Variants in KDM3A observed in about 807,000 individuals in gnomAD.
KDM3A encodes the protein lysine demethylase 3A.
KDM3A carries 60 observed loss-of-function variants against 158.0 expected under a neutral mutation model. That is an observed-to-expected ratio of 0.38 (90% CI 0.31 to 0.47). The LOEUF is 0.47. Ranked by LOEUF, KDM3A falls within the 20% of genes least tolerant of loss-of-function variation. KDM3A has a pLI of 0.99. For synonymous variants in KDM3A, 608 were observed against 549.3 expected, an observed-to-expected ratio of 1.11 and a Z score of -1.49; for missense variants, 1,319 against 1,574.3, an observed-to-expected ratio of 0.84 and a Z score of 2.74.
chr2:86,480,030 A>C, intron 15 of KDM3A, 137 bp from the exon 16 acceptor site: 3 of 659,662 alleles, frequency 4.5e-6, no homozygotes, highest in Non-Finnish European at 8.0e-6. Flanking sequence ...AGCTGTGGGG[A>C]TACCCAGGGC....
At position 86,482,024 on chromosome 2, in the gene KDM3A, T is replaced by A; in HGVS notation, c.2607T>A (p.Phe869Leu). 12 of 1,614,138 alleles carry A rather than the reference T, an allele frequency of 7.4e-6. No individual in the cohort carries two copies. The highest frequency in any genetic ancestry group is 1.0e-5 in the Non-Finnish European group (12 of 1,179,964). ...LSKSSTVLHT[F>L]NSTILTPVSN... ...AATCCAGCACAGTCCTCCATACGTT[T>A]AACAGCACAATTTTGACACCCGTAA... is the stretch of plus-strand genomic sequence containing the variant. The change falls in exon 17 of 26, where the codon TTT becomes TTA. Residue 869 changes from phenylalanine (F) to leucine (L), a missense_variant. Phe to Leu is a conservative substitution (Grantham distance 22). Coordinates refer to ENST00000312912, the MANE Select transcript of KDM3A (RefSeq NM_018433.6).
rs1425698127 is a variant in KDM3A at position 86,449,864 on chromosome 2, A to G, written c.244A>G (p.Ser82Gly). ...GAAAAGAAGATGGATAGAAGTCTAC[A>G]GCCTTCTAAGGAGAGCATTTTTAGT... The part of the protein sequence containing the change: ...WRKRRWIEVY[S>G]LLRRAFLVEH... Residue 82 changes from serine to glycine, a missense_variant, in exon 3 of 26, where the codon AGC (serine) becomes GGC (glycine). Ser to Gly is a moderately conservative substitution (Grantham distance 56, BLOSUM62 0). Transcript: ENST00000312912. 6.2e-7 allele frequency: 1 copy of G among 1,613,764 alleles called. No individual in the cohort carries two copies. Among genetic ancestry groups the G allele is most frequent in the Non-Finnish European group, 8.5e-7 (1 of 1,179,866 alleles).
Position 86,481,994 on chromosome 2 carries a change from A to C in KDM3A, c.2577A>C (p.Leu859Phe). 6.2e-7 allele frequency: 1 copy of C among 1,614,002 alleles called. No individual in the cohort carries two copies. The highest frequency in any genetic ancestry group is 8.5e-7 in the Non-Finnish European group (1 of 1,179,878). The change falls in exon 17 of 26, where the codon TTA becomes TTC. Residue 859 changes from leucine to phenylalanine, a missense_variant. Physicochemically the swap from Leu to Phe is conservative, Grantham distance 22. Coordinates refer to ENST00000312912, the MANE Select transcript of KDM3A (RefSeq NM_018433.6). ...AATGCCTTCCACCCCTCCCACCTTT[A>C]AGCAAATCCAGCACAGTCCTCCATA... ...EIKCLPPLPP[L>F]SKSSTVLHTF...
In KDM3A at chr2:86,483,996, G is replaced by A. The variant is rs1458921571; in HGVS notation, c.2932G>A (p.Val978Met). 1.9e-6 allele frequency: 3 copies of A among 1,611,134 alleles called. No homozygotes were observed. The Admixed American group carries it at 5.1e-5, about 27-fold the overall frequency. ...CCTTCTCTTCATTTAGCCAGTGATG[G>A]TGTCTGGAGTGCATCATAAATTGAA... is the stretch of plus-strand genomic sequence containing the variant. ...ECWKQGQPVM[V>M]SGVHHKLNSE... Residue 978 changes from valine to methionine, a missense_variant, in exon 19 of 26, where the codon GTG becomes ATG. Transcript: ENST00000312912.
At chr2:86,446,470 A>G (rs973673260) in intron 2 of KDM3A, among the ~76,000 whole-genome samples, 1 of 152,222 alleles carries the variant, frequency 6.6e-6, no homozygotes, top group Non-Finnish European at 1.5e-5. Context: ...TGGTAGGCCA[A>G]GACGGGTGGA....
At chr2:86,462,641 A>G (rs1181353762) in intron 8 of KDM3A, among the ~76,000 whole-genome samples, 1 of 152,256 alleles carries the variant, frequency 6.6e-6, no homozygotes, top group Non-Finnish European at 1.5e-5. Flanking sequence ...GTGCCTAAAA[A>G]TAGTTGAAAC....
intron 21 of KDM3A, 121 bp downstream of exon 21, chr2:86,485,980 G>A (rs761704328): frequency 1.1e-5 from 11 of 1,004,242 alleles, no homozygotes; most frequent in African/African-American, 1.6e-5. Context: ...TACAGCCACA[G>A]CTTTCATTTT....
At chr2:86,475,183 G>T (rs1013208051) in intron 12 of KDM3A, among the ~76,000 whole-genome samples, 193 bp downstream of exon 12, 1 of 152,080 alleles carries the variant, frequency 6.6e-6, no homozygotes, top group African/African-American at 2.4e-5. Flanking sequence ...TTTATTTTGG[G>T]CCAATTAACA....
In KDM3A at chr2:86,489,567, A is replaced by C; in HGVS notation, c.3481A>C (p.Lys1161Gln). ...TGGAGATTCTGACGAACTCACAATA[A>C]AGCGATTTATTGAAGGAAAAGAGAA... Reference protein sequence around the residue: ...QDGDSDELTIKRFIEGKEKPG... With the variant: ...QDGDSDELTIQRFIEGKEKPG... Residue 1161 changes from lysine to glutamine, a missense_variant, in exon 23 of 26, where the codon AAG (lysine) becomes CAG (glutamine). Coordinates refer to ENST00000312912, the MANE Select transcript of KDM3A (RefSeq NM_018433.6). 6.2e-7 allele frequency: 1 copy of C among 1,614,028 alleles called. No individual in the cohort carries two copies. Among genetic ancestry groups the C allele is most frequent in the Non-Finnish European group, 8.5e-7 (1 of 1,179,972 alleles).
intron 8 of KDM3A, among the ~76,000 whole-genome samples, chr2:86,460,182 C>T (rs1672868001): frequency 1.3e-5 from 2 of 152,188 alleles, no homozygotes; most frequent in South Asian, 2.1e-4. Context: ...TACTTTCCTT[C>T]TGTCTCTTCT....
rs1297377004 is a variant in KDM3A at position 86,474,987 on chromosome 2, C to T, written c.1936C>T (p.His646Tyr). The T allele has an allele frequency of 1.2e-6, 2 of 1,613,138 alleles. No individual in the cohort carries two copies. Among genetic ancestry groups the T allele is most frequent in the Non-Finnish European group, 1.7e-6 (2 of 1,179,286 alleles). The change falls in exon 12 of 26, where the codon CAC becomes TAC. Residue 646 changes from histidine (H) to tyrosine (Y), a missense_variant. His to Tyr is a moderately conservative substitution (Grantham distance 83). Around this residue, in one of 4 missense-constraint regions of KDM3A, gnomAD observed 113 missense variants for 190.5 expected, o/e 0.59. Coordinates refer to ENST00000312912, the MANE Select transcript of KDM3A (RefSeq NM_018433.6). ...GGAAGCTATGTCAACTATTGAGCCA[C>T]ACAGTAAGAGCATCTCTTAGGGGGT... ...EKEAMSTIEP[H>Y]RQVAWKRAVK...
At chr2:86,491,086 CTT>C in intron 24 of KDM3A, 29 bp downstream of exon 24, 9 of 1,613,140 alleles carry the variant, frequency 5.6e-6, no homozygotes, top group Middle Eastern at 3.3e-4. Context: ...TCTTTAATCT[CTT>C]TATGTCATGA....
At chr2:86,449,401 T>C (rs548970538) in intron 2 of KDM3A, among the ~76,000 whole-genome samples, 2 of 152,254 alleles carry the variant, frequency 1.3e-5, no homozygotes, top group East Asian at 1.9e-4. Context: ...AGCCCACTTA[T>C]ATTGTCAATA....
intron 18 of KDM3A, 53 bp from the exon 19 acceptor site, chr2:86,483,934 G>A (rs1338986622): frequency 2.1e-6 from 3 of 1,454,546 alleles, no homozygotes; most frequent in African/African-American, 2.8e-5. Flanking sequence ...GCCTTCGGGA[G>A]TGGGGACAGA....
chr2:86,439,559 G>A (rs1225887710), upstream of KDM3A, among the ~76,000 whole-genome samples: 1 of 151,996 alleles, frequency 6.6e-6, no homozygotes, highest in East Asian at 1.9e-4. Context: ...AGGTTCAATA[G>A]AATTTTTCCC....
intron 2 of KDM3A, among the ~76,000 whole-genome samples, chr2:86,446,526 T>C (rs1682963102): frequency 6.6e-6 from 1 of 152,114 alleles, no homozygotes; most frequent in African/African-American, 2.4e-5. Flanking sequence ...CTGGCCAACA[T>C]GGTGAAACCC....
intron 10 of KDM3A, among the ~76,000 whole-genome samples, chr2:86,468,665 G>A (rs1037956212): frequency 6.6e-6 from 1 of 152,020 alleles, no homozygotes; most frequent in African/African-American, 2.4e-5. Context: ...GTGTCCACTA[G>A]TACTGCATGT....
At chr2:86,470,766 T>C (rs1015445108) in intron 11 of KDM3A, among the ~76,000 whole-genome samples, 6 of 152,240 alleles carry the variant, frequency 3.9e-5, no homozygotes, top group African/African-American at 1.4e-4. Context: ...CTAGTTGGTA[T>C]ATTGCACACC....
chr2:86,453,143 A>ATTTACTAAT (rs1448759295), intron 4 of KDM3A, among the ~76,000 whole-genome samples: 1 of 148,698 alleles, frequency 6.7e-6, no homozygotes, highest in Non-Finnish European at 1.5e-5. Context: ...AAACATCTAA[A>ATTTACTAAT]TTAGTAAGTT....
Sources: gnomAD v4.1 joint callset for allele counts (sites outside exome capture counted in the v4.1 genomes callset) on GRCh38, gnomAD v4.1.1 for gene constraint, gnomAD v4.1.1 regional missense constraint, MANE v1.5 for transcripts, NCBI Gene and HGNC (gene_info 2026-07-23, HGNC 2026-07-21) for gene names.